The following PRR16 variants were observed in gnomAD, a reference collection of about 807,000 sequenced individuals.
The protein encoded by PRR16 is protein Largen.
A neutral mutation model predicts 18.2 loss-of-function variants in PRR16; 6 were observed. The observed-to-expected ratio is 0.33, with a 90% CI of 0.18 to 0.65. The LOEUF (loss-of-function observed/expected upper bound fraction) is 0.65, where lower values mean the gene tolerates loss of function less well. Among genes scored for constraint, PRR16 ranks in the 30% least tolerant of loss-of-function variants. The probability of loss-of-function intolerance (pLI) is 0.74; values close to 1 mark genes in which losing one functional copy is unlikely to be tolerated. For synonymous variants in PRR16, 151 were observed against 147.8 expected (o/e 1.02, Z -0.16); for missense variants, 412 against 376.6 (o/e 1.09, Z -0.78).
Position 120,464,777 on chromosome 5 carries a change from C to CT in PRR16, c.159+135dup. 3 of 959,786 alleles carry CT rather than the reference C, an allele frequency of 3.1e-6. No individual in the cohort carries two copies. In the South Asian group the frequency reaches 6.1e-5, roughly 20 times the overall value. 59.5% of individuals were successfully genotyped at this position (959,786 alleles called of 1,614,324 possible). A position where few individuals can be genotyped will look rare whatever the true frequency, so the allele number is the denominator to read the frequency against. On this transcript the variant is annotated intron_variant, in intron 1 of 1. Coordinates refer to ENST00000407149, the MANE Select transcript of PRR16 (RefSeq NM_001300783.2). ...TACAGAAAAGGCGCCTGCAGACGGA[C>CT]TTTCTTTGCTCCTGGAGTCCTGAGA...
chr5:120,776,802 T>TA, the PRR16 span, among the ~76,000 whole-genome samples: 2 of 148,874 alleles, frequency 1.3e-5, no homozygotes, highest in African/African-American at 4.9e-5. Context: ...TAATGAATTG[T>TA]AAAATACATA....
chr5:120,718,467 C>T, the PRR16 span, among the ~76,000 whole-genome samples: 2 of 152,126 alleles, frequency 1.3e-5, no homozygotes, highest in African/African-American at 4.8e-5. Context: ...ATAGATATCT[C>T]ATGCAGACTC....
the PRR16 span, among the ~76,000 whole-genome samples, chr5:120,694,541 G>A: frequency 2.0e-5 from 3 of 151,858 alleles, no homozygotes; most frequent in South Asian, 4.2e-4. Flanking sequence ...AAAATTAGCC[G>A]GGCGAGGTGG....
the PRR16 span, among the ~76,000 whole-genome samples, chr5:120,711,307 T>C: frequency 1.3e-5 from 2 of 152,180 alleles, no homozygotes; most frequent in Non-Finnish European, 2.9e-5. Flanking sequence ...ATTTATAATT[T>C]ACTTGATTTT....
chr5:120,784,284 T>C, the PRR16 span, among the ~76,000 whole-genome samples: 1 of 152,200 alleles, frequency 6.6e-6, no homozygotes, highest in Non-Finnish European at 1.5e-5. Context: ...GGATTCTTCA[T>C]ACTATTTTTC....
At chr5:120,586,144 G>A (rs1340106845) in intron 1 of PRR16, among the ~76,000 whole-genome samples, 1 of 150,620 alleles carries the variant, frequency 6.6e-6, no homozygotes, top group Admixed American at 6.6e-5. Flanking sequence ...CTGCACTCCA[G>A]CCCAGCAACA....
the PRR16 span, among the ~76,000 whole-genome samples, chr5:120,766,286 T>G: frequency 1.3e-5 from 2 of 152,016 alleles, no homozygotes; most frequent in Non-Finnish European, 2.9e-5. Flanking sequence ...TTTTGTTTTA[T>G]CTATTCTAGA....
chr5:120,651,982 C>G (rs564645138), intron 1 of PRR16, among the ~76,000 whole-genome samples: 117 of 151,988 alleles, frequency 7.7e-4, no homozygotes, highest in African/African-American at 2.6e-3. Flanking sequence ...TCTTACATTT[C>G]TTTGTATCCT....
At chr5:120,516,301 T>C (rs1750989091) in intron 1 of PRR16, among the ~76,000 whole-genome samples, 1 of 151,878 alleles carries the variant, frequency 6.6e-6, no homozygotes. Context: ...GGCGGGTACC[T>C]GTAGTCCCAG....
chr5:120,633,078 C>T (rs1461977737), intron 1 of PRR16, among the ~76,000 whole-genome samples: 1 of 139,532 alleles, frequency 7.2e-6, no homozygotes, highest in East Asian at 1.9e-4. Flanking sequence ...CCTATCTTTA[C>T]TCTCCTTAAA....
intron 1 of PRR16, among the ~76,000 whole-genome samples, chr5:120,654,785 G>C (rs965167877): frequency 9.9e-5 from 15 of 151,606 alleles, no homozygotes; most frequent in Non-Finnish European, 1.6e-4. Flanking sequence ...TAAAACTTCA[G>C]TAAAAGAGTT....
chr5:120,784,904 T>C, the PRR16 span, among the ~76,000 whole-genome samples: 1 of 152,160 alleles, frequency 6.6e-6, no homozygotes, highest in Non-Finnish European at 1.5e-5. Context: ...ATCCTAATGG[T>C]TCTCAGGTGT....
chr5:120,559,345 G>A (rs1436989070), intron 1 of PRR16, among the ~76,000 whole-genome samples: 4 of 151,692 alleles, frequency 2.6e-5, no homozygotes, highest in Non-Finnish European at 4.4e-5. Flanking sequence ...TAAGGGTCTA[G>A]TTTCATTCAT....
At chr5:120,490,373 AGTTCT>A (rs1749984570) in intron 1 of PRR16, among the ~76,000 whole-genome samples, 2 of 151,712 alleles carry the variant, frequency 1.3e-5, no homozygotes, top group African/African-American at 2.4e-5. Flanking sequence ...TTTTCTCTAA[AGTTCT>A]CTTCTCGCTT....
At chr5:120,747,381 A>G in the PRR16 span, among the ~76,000 whole-genome samples, 1 of 152,210 alleles carries the variant, frequency 6.6e-6, no homozygotes, top group Admixed American at 6.5e-5. Flanking sequence ...TACTCCTCTA[A>G]GAACCAATGC....
chr5:120,608,737 AC>A (rs761865032), intron 1 of PRR16, among the ~76,000 whole-genome samples: 17 of 152,098 alleles, frequency 1.1e-4, no homozygotes, highest in Non-Finnish European at 1.9e-4. Context: ...GATCTGGTTA[AC>A]CCCCTAGACG....
chr5:120,500,292 C>A (rs1580653728), intron 1 of PRR16, among the ~76,000 whole-genome samples: 2 of 152,220 alleles, frequency 1.3e-5, no homozygotes, highest in East Asian at 3.9e-4. Context: ...AAAAGAAAAC[C>A]CAAGGGAACT....
At chr5:120,521,760 G>T (rs1047733974) in intron 1 of PRR16, among the ~76,000 whole-genome samples, 1 of 152,026 alleles carries the variant, frequency 6.6e-6, no homozygotes, top group African/African-American at 2.4e-5. Flanking sequence ...CCATGTTGGT[G>T]TGCTGCACCC....
chr5:120,482,927 A>C (rs1033220174), intron 1 of PRR16, among the ~76,000 whole-genome samples: 1 of 152,164 alleles, frequency 6.6e-6, no homozygotes, highest in Non-Finnish European at 1.5e-5. Context: ...TGTCTGAACA[A>C]CTGTAATTTT....
Sources: allele counts gnomAD v4.1 joint callset (sites outside exome capture counted in the v4.1 genomes callset), GRCh38; gene constraint gnomAD v4.1.1; transcripts MANE v1.5; gene names NCBI Gene and HGNC (gene_info 2026-07-23, HGNC 2026-07-21).